ANKRD11: variants seen among roughly 807,000 people sequenced by gnomAD.
The protein encoded by ANKRD11 is ankyrin repeat domain-containing protein 11.
A neutral mutation model predicts 195.7 loss-of-function variants in ANKRD11; 17 were observed. The observed-to-expected ratio is 0.09, with a 90% confidence interval of 0.06 to 0.13. The LOEUF (loss-of-function observed/expected upper bound fraction) is 0.13. Among genes scored for constraint, ANKRD11 ranks in the 10% least tolerant of loss-of-function variants. The probability of loss-of-function intolerance (pLI) is 1.00; values close to 1 mark genes in which losing one functional copy is unlikely to be tolerated. For missense variants in ANKRD11, 3,735 were observed against 3,566.1 expected (o/e 1.05, Z -1.21); for synonymous variants, 1,953 against 1,528.1 (o/e 1.28, Z -6.49).
In ANKRD11 at chr16:89,334,144, TAAAAAAAAAAAAAAA is replaced by T. The variant is rs869142504; in HGVS notation, c.-59-17081_-59-17067del. 3.1e-4 allele frequency among the ~76,000 whole-genome samples: 13 copies of T among 41,418 alleles called. 1 individual carries two copies. Among genetic ancestry groups the T allele is most frequent in the African/African-American group, 4.8e-4 (5 of 10,448 alleles). The allele number at this position is 41,418 out of a possible 152,430, so 27.2% of individuals were successfully genotyped here. ...GGTAACATGATGAAACCCTGTGTTT[TAAAAAAAAAAAAAAA>T]AAAAAAAAAAAAAACAGAGAGAGAG... On this transcript the variant is annotated intron_variant, in intron 2 of 12. Coordinates refer to ENST00000301030, the MANE Select transcript of ANKRD11 (RefSeq NM_013275.6).
chr16:89,401,017 G>A (rs946054974), intron 2 of ANKRD11, among the ~76,000 whole-genome samples: 2 of 152,176 alleles, frequency 1.3e-5, no homozygotes, highest in African/African-American at 2.4e-5. Context: ...GGGAGGCCCC[G>A]CGTGTGGGTG....
intron 2 of ANKRD11, among the ~76,000 whole-genome samples, chr16:89,341,053 T>A (rs2038630695): frequency 1.3e-5 from 2 of 152,182 alleles, no homozygotes; most frequent in African/African-American, 4.8e-5. Flanking sequence ...TCAGAATCCT[T>A]TAACATATGC....
chr16:89,275,991 C>G (rs531615181), intron 9 of ANKRD11, among the ~76,000 whole-genome samples: 2 of 152,186 alleles, frequency 1.3e-5, no homozygotes, highest in African/African-American at 4.8e-5. Context: ...GCCGTGTGCT[C>G]GGGGCCACAG....
At chr16:89,358,204 A>G (rs2039572626) in intron 2 of ANKRD11, among the ~76,000 whole-genome samples, 2 of 152,228 alleles carry the variant, frequency 1.3e-5, no homozygotes, top group African/African-American at 4.8e-5. Flanking sequence ...CACAGGCCAC[A>G]GCCCCCACAC....
chr16:89,405,544 G>A (rs1401488743), intron 2 of ANKRD11, among the ~76,000 whole-genome samples: 2 of 149,932 alleles, frequency 1.3e-5, no homozygotes, highest in Non-Finnish European at 3.0e-5. Context: ...ATGTTGTCCG[G>A]GCTGGTCTCG....
At position 89,282,864 on chromosome 16, in the gene ANKRD11, C is replaced by T. The variant is rs1204925998; in HGVS notation, c.3678G>A (p.Val1226=). 6 of 1,612,716 alleles carry T rather than the reference C, an allele frequency of 3.7e-6. No homozygotes were observed. In the South Asian group the frequency reaches 5.5e-5, roughly 15 times the overall value. Residue 1226 remains valine (V), a synonymous_variant, in exon 9 of 13, where the codon GTG becomes GTA. Transcript: ENST00000301030. ...KYKDRKDRAS[V]DSTQDKKNKQ... Reference sequence around the variant, plus strand: ...TATTTTTCTTATCTTGCGTGGAGTCCACTGAGGCTCTGTCCTTCCTGTCCT... The same window carrying T: ...TATTTTTCTTATCTTGCGTGGAGTCTACTGAGGCTCTGTCCTTCCTGTCCT...
chr16:89,327,914 T>A (rs2037820023), intron 2 of ANKRD11, among the ~76,000 whole-genome samples: 1 of 152,188 alleles, frequency 6.6e-6, no homozygotes, highest in Non-Finnish European at 1.5e-5. Flanking sequence ...AAACTTTTGC[T>A]CTTTGAAAGA....
chr16:89,274,456 G>A (rs2033464361), intron 11 of ANKRD11, among the ~76,000 whole-genome samples: 2 of 152,084 alleles, frequency 1.3e-5, no homozygotes, highest in South Asian at 4.1e-4. Context: ...AGAGCAGCAG[G>A]TGGAGCCCAG....
chr16:89,489,648 GC>G (rs1224317382), intron 1 of ANKRD11, among the ~76,000 whole-genome samples: 1 of 151,858 alleles, frequency 6.6e-6, no homozygotes, highest in Non-Finnish European at 1.5e-5. Context: ...AGAGGTCGGC[GC>G]CCCAGCTCCG....
chr16:89,449,240 C>T (rs2043951660), intron 1 of ANKRD11, among the ~76,000 whole-genome samples: 1 of 151,534 alleles, frequency 6.6e-6, no homozygotes, highest in African/African-American at 2.4e-5. Flanking sequence ...TTGGTGCATG[C>T]CTGTAGTCCC....
chr16:89,339,300 C>T (rs569579342), intron 2 of ANKRD11, among the ~76,000 whole-genome samples: 1 of 152,334 alleles, frequency 6.6e-6, no homozygotes, highest in South Asian at 2.1e-4. Flanking sequence ...TGAATTCCCC[C>T]TCAGTACAAC....
chr16:89,290,538 C>A, intron 6 of ANKRD11, 87 bp downstream of exon 6: 1 of 1,415,662 alleles, frequency 7.1e-7, no homozygotes, highest in Non-Finnish European at 9.8e-7. Flanking sequence ...GCTCAGGGCT[C>A]CAATGGGGGG....
At chr16:89,409,653 A>AAC (rs996068632) in intron 2 of ANKRD11, among the ~76,000 whole-genome samples, 25 of 151,832 alleles carry the variant, frequency 1.6e-4, no homozygotes, top group Non-Finnish European at 2.5e-4. Context: ...GTTGTACCAA[A>AAC]ACACACACAC....
At chr16:89,383,508 G>T (rs1261342107) in intron 2 of ANKRD11, among the ~76,000 whole-genome samples, 1 of 152,236 alleles carries the variant, frequency 6.6e-6, no homozygotes, top group Non-Finnish European at 1.5e-5. Context: ...ATGTCCAGTG[G>T]ACGCTGCTGC....
intron 1 of ANKRD11, among the ~76,000 whole-genome samples, chr16:89,454,622 C>T (rs1281170698): frequency 0.012 from 1,307 of 105,588 alleles, no homozygotes; most frequent in Middle Eastern, 0.068. Context: ...TGGGTGCTTC[C>T]AGGGTTCCTC....
At chr16:89,289,276 A>G (rs72803306) in intron 6 of ANKRD11, among the ~76,000 whole-genome samples, 5,169 of 152,180 alleles carry the variant, frequency 0.034, 155 homozygotes, top group East Asian at 0.066. Context: ...TTTCTTTTAG[A>G]AAAATGCTTT....
At chr16:89,308,583 T>A (rs924297966) in intron 3 of ANKRD11, among the ~76,000 whole-genome samples, 1 of 152,038 alleles carries the variant, frequency 6.6e-6, no homozygotes, top group African/African-American at 2.4e-5. Context: ...ACCAGGACAG[T>A]TGGGAGAAGA....
intron 2 of ANKRD11, among the ~76,000 whole-genome samples, chr16:89,389,902 C>T (rs1310720896): frequency 1.2e-5 from 1 of 83,848 alleles, no homozygotes; most frequent in South Asian, 4.8e-4. Flanking sequence ...CGGGGAGCAC[C>T]GAGAGAGATC....
At chr16:89,486,558 T>C (rs1157841536) in intron 1 of ANKRD11, among the ~76,000 whole-genome samples, 1 of 151,382 alleles carries the variant, frequency 6.6e-6, no homozygotes, top group Non-Finnish European at 1.5e-5. Context: ...GGCAGCGAGG[T>C]ATGTCGAGGC....
Sources: allele counts gnomAD v4.1 joint callset (sites outside exome capture counted in the v4.1 genomes callset), GRCh38; gene constraint gnomAD v4.1.1; transcripts MANE v1.5; gene names NCBI Gene and HGNC (gene_info 2026-07-23, HGNC 2026-07-21).